ZHX3: variants seen among roughly 807,000 people sequenced by gnomAD.
ZHX3 encodes zinc fingers and homeoboxes 3.
A neutral mutation model predicts 64.5 loss-of-function variants in ZHX3; 20 were observed. That is an observed-to-expected ratio of 0.31 (90% CI 0.22 to 0.45). ZHX3 has a LOEUF of 0.45. Ranked by LOEUF, ZHX3 falls within the 20% of genes least tolerant of loss-of-function variation. ZHX3 has a pLI of 1.00. For missense variants in ZHX3, 1,041 were observed against 1,195.8 expected (o/e 0.87, Z 1.91); for synonymous variants, 423 against 461.6 (o/e 0.92, Z 1.07).
At chr20:41,229,786 T>C (rs1011697374) in intron 2 of ZHX3, among the ~76,000 whole-genome samples, 7 of 152,240 alleles carry the variant, frequency 4.6e-5, no homozygotes, top group African/African-American at 1.4e-4. Context: ...TTGTAGAAAT[T>C]CTCTATATGT....
intron 2 of ZHX3, among the ~76,000 whole-genome samples, chr20:41,235,846 T>C (rs1240905967): frequency 6.6e-6 from 1 of 152,170 alleles, no homozygotes; most frequent in Admixed American, 6.5e-5. Context: ...TGTTTGCAGA[T>C]GACATGATTG....
At chr20:41,304,195 G>A (rs2044907434) in intron 1 of ZHX3, among the ~76,000 whole-genome samples, 2 of 152,000 alleles carry the variant, frequency 1.3e-5, no homozygotes, top group Admixed American at 6.6e-5. Context: ...CTAAATGTTG[G>A]TATTTCCTGG....
intron 2 of ZHX3, among the ~76,000 whole-genome samples, chr20:41,246,000 C>T (rs1349856973): frequency 6.6e-6 from 1 of 152,192 alleles, no homozygotes. Context: ...AACAGTACTT[C>T]CCCTTGGTAT....
chr20:41,252,598 T>C (rs2146516162), intron 2 of ZHX3, among the ~76,000 whole-genome samples: 1 of 152,280 alleles, frequency 6.6e-6, no homozygotes, highest in Middle Eastern at 3.4e-3. Context: ...CTCTCTAACT[T>C]TATCCAGGAG....
In ZHX3 at chr20:41,201,409, T is replaced by C. The variant is rs183017530; in HGVS notation, c.2860+648A>G. On this transcript the variant is annotated intron_variant, in intron 3 of 3. Transcript: ENST00000683867. The surrounding 1 kb of genome is among the most constrained non-coding windows in gnomAD (Gnocchi z 5.0). ...CCTAGAAAATCAACACGTAATAACATGACTTGTCTGTGGCTTCAAAACTAT... is the reference window on the plus strand; with the variant it reads ...CCTAGAAAATCAACACGTAATAACACGACTTGTCTGTGGCTTCAAAACTAT... 4 of 1,291,584 alleles carry C rather than the reference T, an allele frequency of 3.1e-6. No homozygotes were observed. The highest frequency in any genetic ancestry group is 2.3e-5 in the Admixed American group (1 of 43,498). 80.0% of individuals were successfully genotyped at this position (1,291,584 alleles called of 1,614,324 possible). A position where few individuals can be genotyped will look rare whatever the true frequency, so the allele number is the denominator to read the frequency against.
chr20:41,311,073 G>C (rs1031667239), intron 1 of ZHX3, among the ~76,000 whole-genome samples: 1 of 152,090 alleles, frequency 6.6e-6, no homozygotes, highest in Admixed American at 6.5e-5. Context: ...CTCCCAAAGT[G>C]CTGGGATTAC....
intron 1 of ZHX3, among the ~76,000 whole-genome samples, chr20:41,315,442 C>G (rs2045262937): frequency 1.3e-5 from 2 of 150,612 alleles, no homozygotes; most frequent in Non-Finnish European, 2.9e-5. Context: ...ATCCGCCCGC[C>G]TCGGCCTCCC....
rs958774085 is a variant in ZHX3 at position 41,185,029 on chromosome 20, A to G, written c.*162T>C. ...GCTTGGTGGTGGGCAGGCCGAGGGT[A>G]GCGGCAGGCTCTGGGCTGTCTGCGA... On this transcript the variant is annotated 3_prime_UTR_variant, in exon 4 of 4. Coordinates refer to ENST00000683867, the MANE Select transcript of ZHX3 (RefSeq NM_001384317.1). This position sits in a 1 kb window ranked among gnomAD's most constrained non-coding sequence, Gnocchi z 5.0. The G allele has an allele frequency of 1.9e-6, 3 of 1,551,562 alleles. No individual in the cohort carries two copies. Among genetic ancestry groups the G allele is most frequent in the Admixed American group, 3.9e-5 (2 of 50,992 alleles).
At chr20:41,274,815 T>C (rs1205278743) in intron 1 of ZHX3, among the ~76,000 whole-genome samples, 5 of 152,178 alleles carry the variant, frequency 3.3e-5, no homozygotes, top group African/African-American at 1.2e-4. Context: ...ATAAGCTACA[T>C]GAAACTCATA....
In ZHX3 at chr20:41,287,558, T is replaced by C. The variant is rs1179258994; in HGVS notation, c.-244-18475A>G. Among the ~76,000 whole-genome samples, 3 of 152,326 alleles carry C rather than the reference T, an allele frequency of 2.0e-5. No individual in the cohort carries two copies. In the East Asian group the frequency reaches 5.8e-4, roughly 29 times the overall value. On this transcript the variant is annotated intron_variant, in intron 1 of 3. Coordinates refer to ENST00000683867, the MANE Select transcript of ZHX3 (RefSeq NM_001384317.1). ...ATTAAGTCATATAAAGACCATGACT[T>C]CCATCCTGGGTTCTGTTTCTTACTT...
intron 1 of ZHX3, among the ~76,000 whole-genome samples, chr20:41,294,113 T>C (rs2044383222): frequency 6.6e-6 from 1 of 152,132 alleles, no homozygotes; most frequent in Non-Finnish European, 1.5e-5. Context: ...TAAGAAAGGA[T>C]GACCACCTCC....
intron 1 of ZHX3, among the ~76,000 whole-genome samples, chr20:41,302,480 A>G (rs1170845284): frequency 6.6e-6 from 1 of 152,166 alleles, no homozygotes; most frequent in Non-Finnish European, 1.5e-5. Flanking sequence ...AACTCTGCCC[A>G]TAGAGGCAGG....
chr20:41,225,394 T>C (rs1047511416), intron 2 of ZHX3, among the ~76,000 whole-genome samples: 1 of 152,254 alleles, frequency 6.6e-6, no homozygotes, highest in Non-Finnish European at 1.5e-5. Flanking sequence ...CTGTAACAGC[T>C]AGAGGTACAT....
At chr20:41,308,736 GA>G (rs2045048586) in intron 1 of ZHX3, among the ~76,000 whole-genome samples, 1 of 152,172 alleles carries the variant, frequency 6.6e-6, no homozygotes, top group South Asian at 2.1e-4. Context: ...AAAATAGGGA[GA>G]ATGGGGCAGT....
At position 41,195,246 on chromosome 20, in the gene ZHX3, G is replaced by A. The variant is rs2037389539; in HGVS notation, c.2860+6811C>T. ...TCCTCCCACCCCAGACACCTGAGTA[G>A]CTGGCACTACAGGAACATGCCACCA... On this transcript the variant is annotated intron_variant, in intron 3 of 3. Coordinates refer to ENST00000683867, the MANE Select transcript of ZHX3 (RefSeq NM_001384317.1). The surrounding 1 kb of genome is among the most constrained non-coding windows in gnomAD (Gnocchi z 4.2). Among the ~76,000 whole-genome samples, 1 of 152,070 alleles carries A rather than the reference G, an allele frequency of 6.6e-6. No homozygotes were observed. Among genetic ancestry groups the A allele is most frequent in the Admixed American group, 6.6e-5 (1 of 15,264 alleles).
At chr20:41,227,570 GT>G (rs773697532) in intron 2 of ZHX3, among the ~76,000 whole-genome samples, 3 of 152,198 alleles carry the variant, frequency 2.0e-5, no homozygotes, top group Non-Finnish European at 2.9e-5. Flanking sequence ...CTGCAAGATA[GT>G]TAGCATATTT....
chr20:41,282,219 C>G (rs577214974), intron 1 of ZHX3, among the ~76,000 whole-genome samples: 1 of 152,180 alleles, frequency 6.6e-6, no homozygotes, highest in African/African-American at 2.4e-5. Context: ...ATTCTAGATC[C>G]TGTGGTATGC....
Position 41,201,238 on chromosome 20 carries a change from C to G in ZHX3, c.2860+819G>C, listed in dbSNP as rs138382372. 1.7e-4 allele frequency: 209 copies of G among 1,227,872 alleles called. No homozygotes were observed. The African/African-American group carries it at 2.7e-3, about 16-fold the overall frequency. 76.1% of individuals were successfully genotyped at this position (1,227,872 alleles called of 1,614,324 possible). A position where few individuals can be genotyped will look rare whatever the true frequency, so the allele number is the denominator to read the frequency against. ...AGCTAGCAATGCTGCCATTTTGGAA[C>G]CCCCAATCCCTTCAGCTTCTACAAT... On this transcript the variant is annotated intron_variant, in intron 3 of 3. Transcript: ENST00000683867. The surrounding 1 kb of genome is among the most constrained non-coding windows in gnomAD (Gnocchi z 5.0).
At chr20:41,221,552 A>C (rs1015236358) in intron 2 of ZHX3, among the ~76,000 whole-genome samples, 10 of 152,238 alleles carry the variant, frequency 6.6e-5, no homozygotes, top group Non-Finnish European at 8.8e-5. Flanking sequence ...CCTGGAATTT[A>C]CATTCTAGTT....
Sources: allele counts gnomAD v4.1 joint callset (sites outside exome capture counted in the v4.1 genomes callset), GRCh38; gene constraint gnomAD v4.1.1; non-coding constraint Gnocchi (gnomAD v3.1); transcripts MANE v1.5; gene names NCBI Gene and HGNC (gene_info 2026-07-23, HGNC 2026-07-21).